SNX29: variants seen among roughly 807,000 people sequenced by gnomAD.
SNX29 encodes the protein sorting nexin-29.
Under a neutral mutation model 102.1 loss-of-function variants are expected in SNX29, and 78 were observed. That is an observed-to-expected ratio of 0.76 (90% CI 0.64 to 0.92). The LOEUF (loss-of-function observed/expected upper bound fraction) is 0.92. Ranked by LOEUF, SNX29 falls within the 40% of genes least tolerant of loss-of-function variation. SNX29 has a pLI of 0.00. For missense variants in SNX29, 1,280 were observed against 1,061.7 expected (o/e 1.21, Z -2.86); for synonymous variants, 580 against 414.5 (o/e 1.40, Z -4.85).
At chr16:12,434,964 T>C (rs959821233) in intron 18 of SNX29, among the ~76,000 whole-genome samples, 1 of 132,286 alleles carries the variant, frequency 7.6e-6, no homozygotes, top group African/African-American at 3.0e-5. Flanking sequence ...GTCAGTCCTG[T>C]TATGGGGGGC....
chr16:12,464,478 G>T (rs150714678), intron 18 of SNX29, among the ~76,000 whole-genome samples: 3 of 151,780 alleles, frequency 2.0e-5, no homozygotes, highest in Admixed American at 1.3e-4. Flanking sequence ...TTTGAGACAG[G>T]GTCTCAGCTC....
intron 13 of SNX29, among the ~76,000 whole-genome samples, chr16:12,176,932 C>T (rs1015104675): frequency 6.6e-6 from 1 of 151,208 alleles, no homozygotes; most frequent in Non-Finnish European, 1.5e-5. Flanking sequence ...TCGGGCTGTT[C>T]AGGGTTTTTT....
chr16:12,118,991 T>G (rs1052096083), intron 11 of SNX29, among the ~76,000 whole-genome samples: 1 of 152,224 alleles, frequency 6.6e-6, no homozygotes, highest in Non-Finnish European at 1.5e-5. Context: ...ACCTTGACAT[T>G]TCCAAGCTGC....
chr16:12,369,363 T>G (rs907019792), intron 16 of SNX29, among the ~76,000 whole-genome samples: 1 of 152,178 alleles, frequency 6.6e-6, no homozygotes, highest in Admixed American at 6.5e-5. Flanking sequence ...CTTGAACTCC[T>G]GGCCTCAAGT....
intron 16 of SNX29, among the ~76,000 whole-genome samples, chr16:12,376,710 C>T (rs924453687): frequency 8.1e-6 from 1 of 122,918 alleles, no homozygotes; most frequent in African/African-American, 3.1e-5. Flanking sequence ...GCACTCCAGC[C>T]TGGGCAACAA....
intron 15 of SNX29, among the ~76,000 whole-genome samples, chr16:12,305,625 A>G (rs999341233): frequency 2.0e-5 from 3 of 152,316 alleles, no homozygotes; most frequent in South Asian, 2.1e-4. Flanking sequence ...TGATATTTCA[A>G]AACATTGCAT....
chr16:12,554,621 C>T (rs1002017736), intron 20 of SNX29, among the ~76,000 whole-genome samples: 4 of 152,208 alleles, frequency 2.6e-5, no homozygotes, highest in Non-Finnish European at 5.9e-5. Flanking sequence ...CTCACACATA[C>T]CTGCCTCAGT....
chr16:12,371,245 C>T (rs79750137), intron 16 of SNX29, among the ~76,000 whole-genome samples: 2,898 of 150,222 alleles, frequency 0.019, 29 homozygotes, highest in Non-Finnish European at 0.031. Context: ...TTCCTTCCTT[C>T]CTTTCTTTCT....
chr16:12,011,619 C>T (rs948675138), intron 3 of SNX29, among the ~76,000 whole-genome samples: 1 of 152,050 alleles, frequency 6.6e-6, no homozygotes, highest in African/African-American at 2.4e-5. Flanking sequence ...ATTTGTCTTA[C>T]TTATATTGAT....
intron 20 of SNX29, among the ~76,000 whole-genome samples, chr16:12,563,684 G>C (rs568940796): frequency 3.7e-4 from 57 of 152,306 alleles, no homozygotes; most frequent in Non-Finnish European, 7.1e-4. Context: ...CCATGATGGG[G>C]TCTGGCCTCA....
chr16:12,202,693 A>G (rs2076942382), intron 14 of SNX29, among the ~76,000 whole-genome samples: 2 of 152,100 alleles, frequency 1.3e-5, no homozygotes, highest in South Asian at 4.2e-4. Context: ...AGAGGAGGCG[A>G]TCCTCCTCCT....
At chr16:12,555,641 C>T (rs1032183415) in intron 20 of SNX29, among the ~76,000 whole-genome samples, 1 of 152,118 alleles carries the variant, frequency 6.6e-6, no homozygotes, top group African/African-American at 2.4e-5. Context: ...AGTAACCCCA[C>T]TGATGCCAGA....
chr16:12,524,631 C>G, intron 19 of SNX29, 71 bp from the exon 20 acceptor site: 2 of 1,532,948 alleles, frequency 1.3e-6, no homozygotes, highest in Admixed American at 4.0e-5. Context: ...GGGTGATCGC[C>G]TGTTCTATAG....
Position 12,552,433 on chromosome 16 carries a change from G to C in SNX29, c.2319-16073G>C, listed in dbSNP as rs1012613921. 3.9e-5 allele frequency among the ~76,000 whole-genome samples: 6 copies of C among 152,274 alleles called. No homozygotes were observed. The South Asian group carries it at 6.2e-4, about 16-fold the overall frequency. On this transcript the variant is annotated intron_variant, in intron 20 of 20. Coordinates refer to ENST00000566228, the MANE Select transcript of SNX29 (RefSeq NM_032167.5). ...AGGACGTGGTCAGTTCTTTTGGCTC[G>C]AGAGCTGGAGTGAAATACCTCGGGT...
chr16:12,458,797 C>T (rs79831092), intron 18 of SNX29, among the ~76,000 whole-genome samples: 164 of 152,276 alleles, frequency 1.1e-3, no homozygotes, highest in Non-Finnish European at 1.9e-3. Flanking sequence ...CAGAGGCAGG[C>T]TCTGGCCACA....
At chr16:12,045,526 A>G (rs1433367833) in intron 5 of SNX29, among the ~76,000 whole-genome samples, 3 of 152,042 alleles carry the variant, frequency 2.0e-5, no homozygotes, top group South Asian at 4.2e-4. Context: ...CCCAACTGCC[A>G]TCTATATTTG....
intron 18 of SNX29, among the ~76,000 whole-genome samples, chr16:12,459,758 C>T (rs1005634612): frequency 6.6e-6 from 1 of 152,160 alleles, no homozygotes; most frequent in Non-Finnish European, 1.5e-5. Context: ...GCTTTCTGGT[C>T]ACTGGTCCTG....
At chr16:12,195,017 TATC>T (rs2076738328) in intron 13 of SNX29, among the ~76,000 whole-genome samples, 2 of 152,232 alleles carry the variant, frequency 1.3e-5, no homozygotes, top group African/African-American at 4.8e-5. Flanking sequence ...CAATTAATTT[TATC>T]ATATAGAAAT....
intron 15 of SNX29, among the ~76,000 whole-genome samples, chr16:12,320,315 G>C (rs1377243156): frequency 2.6e-5 from 4 of 152,084 alleles, no homozygotes; most frequent in Non-Finnish European, 5.9e-5. Flanking sequence ...GAAGGGGCTT[G>C]GAAGGAACTG....
Sources: gnomAD v4.1 joint callset for allele counts (sites outside exome capture counted in the v4.1 genomes callset) on GRCh38, gnomAD v4.1.1 for gene constraint, MANE v1.5 for transcripts, NCBI Gene and HGNC (gene_info 2026-07-23, HGNC 2026-07-21) for gene names.